Variants in AKAP6 observed in about 807,000 individuals in gnomAD.
The protein encoded by AKAP6 is A-kinase anchor protein 6.
A neutral mutation model predicts 188.5 loss-of-function variants in AKAP6; 58 were observed. The observed-to-expected ratio is 0.31, with a 90% CI of 0.25 to 0.38. AKAP6 has a LOEUF of 0.38. Among genes scored for constraint, AKAP6 ranks in the 10% least tolerant of loss-of-function variants. The pLI, the probability that AKAP6 is intolerant of heterozygous loss-of-function variation, is 1.00. For synonymous variants in AKAP6, 989 were observed against 998.6 expected, an observed-to-expected ratio of 0.99 and a Z score of 0.18; for missense variants, 2,710 against 2,740.0, an observed-to-expected ratio of 0.99 and a Z score of 0.24.
chr14:32,732,658 T>A, intron 10 of AKAP6, 58 bp downstream of exon 10: 1 of 1,569,842 alleles, frequency 6.4e-7, no homozygotes, highest in Non-Finnish European at 8.7e-7. Context: ...CGTAGTGAAG[T>A]ACTCTGTCCG....
chr14:32,423,735 C>G (rs543124230), intron 1 of AKAP6, among the ~76,000 whole-genome samples: 26 of 152,164 alleles, frequency 1.7e-4, no homozygotes, highest in Admixed American at 3.9e-4. Context: ...TATCTTCAAT[C>G]TTGCCTATTT....
chr14:32,702,662 T>C (rs1566655989), intron 9 of AKAP6, among the ~76,000 whole-genome samples: 3 of 152,052 alleles, frequency 2.0e-5, no homozygotes, highest in African/African-American at 7.2e-5. Flanking sequence ...CTCTAGCGGG[T>C]GAGCTACTGT....
At chr14:32,694,743 CACACCTTAAG>C (rs1890333886) in intron 8 of AKAP6, among the ~76,000 whole-genome samples, 1 of 89,304 alleles carries the variant, frequency 1.1e-5, no homozygotes. Flanking sequence ...CATCACCAGG[CACACCTTAAG>C]TTTTTTGACA....
intron 10 of AKAP6, chr14:32,734,150 A>G (rs1173238849): frequency 6.6e-6 from 1 of 152,168 alleles, no homozygotes; most frequent in African/African-American, 2.4e-5. Flanking sequence ...GGGTGAGGGA[A>G]GATTTTTTTA....
At chr14:32,490,809 T>A (rs1272089126) in intron 2 of AKAP6, among the ~76,000 whole-genome samples, 1 of 152,242 alleles carries the variant, frequency 6.6e-6, no homozygotes, top group Non-Finnish European at 1.5e-5. Context: ...CTGATTCTTA[T>A]TTGTCTAGCT....
intron 9 of AKAP6, among the ~76,000 whole-genome samples, chr14:32,705,192 A>G (rs964551573): frequency 2.0e-5 from 3 of 152,270 alleles, no homozygotes; most frequent in African/African-American, 7.2e-5. Context: ...TTACCAACTG[A>G]CCATACTGCC....
intron 9 of AKAP6, among the ~76,000 whole-genome samples, chr14:32,726,576 G>C (rs954056986): frequency 6.6e-6 from 1 of 152,208 alleles, no homozygotes; most frequent in Non-Finnish European, 1.5e-5. Flanking sequence ...TGGTATTGGC[G>C]CATTAACACG....
intron 1 of AKAP6, among the ~76,000 whole-genome samples, chr14:32,350,542 G>T (rs1167038314): frequency 2.0e-5 from 3 of 152,002 alleles, no homozygotes; most frequent in Non-Finnish European, 4.4e-5. Flanking sequence ...GACTGCAAGA[G>T]GACATTAATG....
chr14:32,821,139 T>G (rs2034508432), intron 12 of AKAP6, among the ~76,000 whole-genome samples: 1 of 152,254 alleles, frequency 6.6e-6, no homozygotes, highest in Non-Finnish European at 1.5e-5. Flanking sequence ...GCTAATTCCA[T>G]AAATTACAAT....
intron 9 of AKAP6, among the ~76,000 whole-genome samples, chr14:32,698,803 A>G (rs1753957706): frequency 6.6e-6 from 1 of 152,176 alleles, no homozygotes; most frequent in South Asian, 2.1e-4. Context: ...AAAATCAAGG[A>G]TGAAAATGAA....
chr14:32,336,062 T>A (rs1192985577), intron 1 of AKAP6, among the ~76,000 whole-genome samples: 2 of 152,120 alleles, frequency 1.3e-5, no homozygotes, highest in Non-Finnish European at 2.9e-5. Flanking sequence ...AATGAGATGC[T>A]GGTGACCAAC....
At position 32,815,175 on chromosome 14, in the gene AKAP6, C is replaced by G. The variant is rs10151073; in HGVS notation, c.3589-6227C>G. Among the ~76,000 whole-genome samples the G allele has an allele frequency of 9.7e-3, 1,478 of 152,174 alleles. 24 individuals are homozygous for G. Among genetic ancestry groups the G allele is most frequent in the African/African-American group, 0.034 (1,409 of 41,508 alleles). On this transcript the variant is annotated intron_variant, in intron 12 of 13. Coordinates refer to ENST00000280979, the MANE Select transcript of AKAP6 (RefSeq NM_004274.5). ...TGTAGTCAAGACTAGGAAATGTGTC[C>G]GTGTCAGTACTGATTTTAGTGAGAT... is the stretch of plus-strand genomic sequence containing the variant.
chr14:32,443,432 A>C (rs568990504), intron 2 of AKAP6, among the ~76,000 whole-genome samples: 3 of 151,572 alleles, frequency 2.0e-5, no homozygotes, highest in African/African-American at 7.3e-5. Flanking sequence ...AAAACAAAAA[A>C]ACCCCACACA....
At position 32,822,069 on chromosome 14, in the gene AKAP6, G is replaced by A. The variant is rs756073747; in HGVS notation, c.4256G>A (p.Ser1419Asn). 3 of 1,613,936 alleles carry A rather than the reference G, an allele frequency of 1.9e-6. No homozygotes were observed. Among genetic ancestry groups the A allele is most frequent in the South Asian group, 1.1e-5 (1 of 91,082 alleles). ...LKQKFTDEGE[S>N]IKLPNSSQSS... ...CAAAAATTTACAGATGAGGGGGAAA[G>A]CATTAAGCTTCCAAATAGCTCTCAG... is the stretch of plus-strand genomic sequence containing the variant. The change falls in exon 13 of 14, where the codon AGC becomes AAC. Residue 1419 changes from serine (S) to asparagine (N), a missense_variant. Transcript: ENST00000280979.
intron 3 of AKAP6, among the ~76,000 whole-genome samples, chr14:32,542,072 T>A (rs1364743295): frequency 1.3e-5 from 2 of 152,210 alleles, no homozygotes; most frequent in East Asian, 3.8e-4. Flanking sequence ...TTACATATCT[T>A]ACATATATTA....
chr14:32,603,356 GA>G (rs1886010614), intron 7 of AKAP6, among the ~76,000 whole-genome samples: 1 of 152,132 alleles, frequency 6.6e-6, no homozygotes, highest in African/African-American at 2.4e-5. Context: ...GAGCTATGTT[GA>G]AAAGGAGTAC....
chr14:32,684,376 A>G (rs1889819350), intron 8 of AKAP6, among the ~76,000 whole-genome samples: 1 of 152,350 alleles, frequency 6.6e-6, no homozygotes, highest in East Asian at 1.9e-4. Flanking sequence ...ATTACAAAAT[A>G]AAGACTACAC....
At chr14:32,577,706 A>AT (rs1884792055) in intron 5 of AKAP6, among the ~76,000 whole-genome samples, 1 of 152,068 alleles carries the variant, frequency 6.6e-6, no homozygotes. Context: ...GATCTCCATC[A>AT]TTTTTGCTGC....
chr14:32,631,153 T>C (rs1887253674), intron 7 of AKAP6, among the ~76,000 whole-genome samples: 1 of 152,080 alleles, frequency 6.6e-6, no homozygotes, highest in African/African-American at 2.4e-5. Flanking sequence ...TTCTCATATT[T>C]ATTTTACTAA....
Sources: gnomAD v4.1 joint callset for allele counts (sites outside exome capture counted in the v4.1 genomes callset) on GRCh38, gnomAD v4.1.1 for gene constraint, MANE v1.5 for transcripts, NCBI Gene and HGNC (gene_info 2026-07-23, HGNC 2026-07-21) for gene names.